DGKB: variants seen among roughly 807,000 people sequenced by gnomAD.
DGKB encodes 90 kDa diacylglycerol kinase.
A neutral mutation model predicts 114.3 loss-of-function variants in DGKB; 67 were observed. The observed-to-expected ratio is 0.59, with a 90% CI of 0.48 to 0.72. The LOEUF (loss-of-function observed/expected upper bound fraction) is 0.72. DGKB is among the 30% of genes least tolerant of loss of function. The pLI is 0.00. For missense variants in DGKB, 907 were observed against 975.2 expected, an observed-to-expected ratio of 0.93 and a Z score of 0.93; for synonymous variants, 398 against 323.1, an observed-to-expected ratio of 1.23 and a Z score of -2.49.
chr7:14,921,382 A>T (rs1784502911), intron 1 of DGKB, among the ~76,000 whole-genome samples: 1 of 152,176 alleles, frequency 6.6e-6, no homozygotes, highest in Non-Finnish European at 1.5e-5. Context: ...TTTTTCTGCA[A>T]AGGTAATATT....
At chr7:14,323,937 T>G (rs2128542807) in intron 23 of DGKB, among the ~76,000 whole-genome samples, 1 of 152,336 alleles carries the variant, frequency 6.6e-6, no homozygotes, top group South Asian at 2.1e-4. Flanking sequence ...GTAATCACTT[T>G]ACTTAGTTCA....
At chr7:14,635,635 GAA>G (rs1357005722) in intron 13 of DGKB, among the ~76,000 whole-genome samples, 2 of 151,436 alleles carry the variant, frequency 1.3e-5, no homozygotes, top group African/African-American at 2.4e-5. Flanking sequence ...TTATTCTTCA[GAA>G]CTCTTAATTT....
intron 20 of DGKB, among the ~76,000 whole-genome samples, chr7:14,480,892 C>G (rs1782888126): frequency 1.3e-5 from 2 of 151,868 alleles, no homozygotes; most frequent in Admixed American, 1.3e-4. Context: ...ATATACAAAC[C>G]AGTATTTTCT....
intron 21 of DGKB, among the ~76,000 whole-genome samples, chr7:14,473,786 G>T (rs1380898225): frequency 6.6e-6 from 1 of 152,156 alleles, no homozygotes; most frequent in African/African-American, 2.4e-5. Context: ...TCATTTTGGG[G>T]CTTTAAGATT....
At position 14,423,779 on chromosome 7, in the gene DGKB, T is replaced by A. The variant is rs762496143; in HGVS notation, c.1835+54382A>T. On this transcript the variant is annotated intron_variant, in intron 21 of 25. Coordinates refer to ENST00000402815, the MANE Select transcript of DGKB (RefSeq NM_001350709.2). ...TCATAACTGCTCTAACCCTTGAATT[T>A]GGTATATGGCAATATATTGAATCTA... 1.4e-4 allele frequency among the ~76,000 whole-genome samples: 22 copies of A among 152,158 alleles called. 1 individual carries two copies. The highest frequency in any genetic ancestry group is 3.3e-4 in the Admixed American group (5 of 15,248).
chr7:14,855,781 A>G (rs1407773384), intron 1 of DGKB, among the ~76,000 whole-genome samples: 2 of 152,170 alleles, frequency 1.3e-5, no homozygotes, highest in East Asian at 3.8e-4. Flanking sequence ...TGGATTAGAT[A>G]GGACTTTTGA....
intron 23 of DGKB, among the ~76,000 whole-genome samples, chr7:14,295,248 G>A (rs116672289): frequency 6.6e-6 from 1 of 152,098 alleles, no homozygotes; most frequent in African/African-American, 2.4e-5. Flanking sequence ...TTGGTAACAT[G>A]TTTGCTTTTA....
intron 25 of DGKB, among the ~76,000 whole-genome samples, chr7:14,171,488 G>A (rs1437441774): frequency 1.3e-5 from 2 of 152,108 alleles, no homozygotes; most frequent in Non-Finnish European, 2.9e-5. Flanking sequence ...ATAATTAACA[G>A]AATGCAGCTT....
chr7:14,895,077 G>C (rs1011811992), intron 1 of DGKB, among the ~76,000 whole-genome samples: 1 of 151,548 alleles, frequency 6.6e-6, no homozygotes, highest in African/African-American at 2.4e-5. Flanking sequence ...GTTACAGGTT[G>C]TTTATGTGCA....
At chr7:14,929,030 C>CACACAG (rs1206517406) in intron 1 of DGKB, among the ~76,000 whole-genome samples, 1 of 150,002 alleles carries the variant, frequency 6.7e-6, no homozygotes, top group African/African-American at 2.4e-5. Context: ...TATACACACA[C>CACACAG]ACACACACAC....
rs1461783414 is a variant in DGKB, at chr7:14,633,607, A to G, written c.1135-3339T>C. Among the ~76,000 whole-genome samples the G allele has an allele frequency of 2.0e-5, 3 of 151,854 alleles. No individual in the cohort carries two copies. The East Asian group carries it at 5.8e-4, about 29-fold the overall frequency. On this transcript the variant is annotated intron_variant, in intron 13 of 25. Coordinates refer to ENST00000402815, the MANE Select transcript of DGKB (RefSeq NM_001350709.2). ...ATCACTTCTTTTTTTACTCTCCTGTACTTAATTTTTAAATATCAAAGATGA... is the reference window on the plus strand; with the variant it reads ...ATCACTTCTTTTTTTACTCTCCTGTGCTTAATTTTTAAATATCAAAGATGA...
chr7:14,684,490 T>C (rs924335095), intron 10 of DGKB, among the ~76,000 whole-genome samples: 4 of 152,294 alleles, frequency 2.6e-5, no homozygotes, highest in African/African-American at 9.6e-5. Flanking sequence ...ATCAGGACTA[T>C]CATGGATTGT....
At chr7:14,924,235 T>A (rs1302329006) in intron 1 of DGKB, among the ~76,000 whole-genome samples, 1 of 152,296 alleles carries the variant, frequency 6.6e-6, no homozygotes, top group African/African-American at 2.4e-5. Context: ...GTATTTTCTC[T>A]GGGCAGTTTG....
At chr7:14,330,172 T>A (rs1809476838) in intron 23 of DGKB, among the ~76,000 whole-genome samples, 2 of 151,988 alleles carry the variant, frequency 1.3e-5, no homozygotes, top group Admixed American at 1.3e-4. Flanking sequence ...TCCTCAGAAG[T>A]CATATAAGAT....
At chr7:14,962,551 T>C (rs1786908585) in intron 1 of DGKB, among the ~76,000 whole-genome samples, 1 of 152,102 alleles carries the variant, frequency 6.6e-6, no homozygotes. Flanking sequence ...CAAAATGTAA[T>C]GAAATATCTA....
At chr7:14,902,781 C>G (rs1257222766), upstream of DGKB, 4 of 152,280 alleles carry the variant, frequency 2.6e-5, no homozygotes, top group African/African-American at 9.7e-5. Flanking sequence ...TCACAGCATC[C>G]TCCTCCCCAC....
At chr7:14,688,789 C>G (rs1401115642) in intron 9 of DGKB, among the ~76,000 whole-genome samples, 1 of 151,576 alleles carries the variant, frequency 6.6e-6, no homozygotes, top group Non-Finnish European at 1.5e-5. Context: ...ACCTATTATC[C>G]TAGTGATTCT....
rs117994687 is a variant in DGKB at position 14,879,692 on chromosome 7, T to G, written c.-188+22900A>C. ...CATTCGTAGTAACAGTCCCTTTAGT[T>G]GGGAAGAATAATCAACAAGCCATTC... On this transcript the variant is annotated intron_variant, in intron 1 of 25. Transcript: ENST00000402815. Among the ~76,000 whole-genome samples the G allele has an allele frequency of 4.1e-4, 63 of 152,302 alleles. No individual in the cohort carries two copies. The East Asian group carries it at 0.011, about 26-fold the overall frequency.
At position 14,717,992 on chromosome 7, in the gene DGKB, A is replaced by C. The variant is rs530782986; in HGVS notation, c.466+550T>G. On this transcript the variant is annotated intron_variant, in intron 6 of 25. Coordinates refer to ENST00000402815, the MANE Select transcript of DGKB (RefSeq NM_001350709.2). ...GAAATTCTCTATCCGCCATGTCCTA[A>C]ATTTAAGAAACAAAGCTATTGTTTA... Among the ~76,000 whole-genome samples, 29 of 152,310 alleles carry C rather than the reference A, an allele frequency of 1.9e-4. No homozygotes were observed. The South Asian group carries it at 5.8e-3, about 30-fold the overall frequency.
Sources: gnomAD v4.1 joint callset for allele counts (sites outside exome capture counted in the v4.1 genomes callset) on GRCh38, gnomAD v4.1.1 for gene constraint, MANE v1.5 for transcripts, NCBI Gene and HGNC (gene_info 2026-07-23, HGNC 2026-07-21) for gene names.